The following NKAIN3 variants were observed in gnomAD, a reference collection of about 807,000 sequenced individuals.
NKAIN3 encodes the protein sodium/potassium transporting ATPase interacting 3.
Under a neutral mutation model 30.2 loss-of-function variants are expected in NKAIN3, and 25 were observed. That is an observed-to-expected ratio of 0.83 (90% CI 0.60 to 1.16). NKAIN3 has a LOEUF of 1.16. Ranked by LOEUF, NKAIN3 falls within the 50% of genes most tolerant of loss-of-function variation. The pLI is 0.00. For synonymous variants in NKAIN3, 91 were observed against 89.6 expected (o/e 1.02, Z -0.09); for missense variants, 225 against 254.1 (o/e 0.89, Z 0.78).
At chr8:62,551,346 GT>G (rs1809203019) in intron 1 of NKAIN3, among the ~76,000 whole-genome samples, 1 of 152,018 alleles carries the variant, frequency 6.6e-6, no homozygotes, top group South Asian at 2.1e-4. Context: ...TTTTTGTTTT[GT>G]TTTTGGTCTT....
intron 1 of NKAIN3, among the ~76,000 whole-genome samples, chr8:62,376,352 T>C (rs531450991): frequency 2.0e-4 from 31 of 152,366 alleles, no homozygotes; most frequent in African/African-American, 7.2e-4. Flanking sequence ...CTTGCCTTAA[T>C]CTTGAATTTA....
At chr8:62,426,376 C>T (rs1377913583) in intron 1 of NKAIN3, among the ~76,000 whole-genome samples, 1 of 151,952 alleles carries the variant, frequency 6.6e-6, no homozygotes, top group African/African-American at 2.4e-5. Flanking sequence ...AAGCTAGTTA[C>T]TTCAGAATAT....
At chr8:62,989,388 A>T (rs1170575083), downstream of NKAIN3, among the ~76,000 whole-genome samples, 1 of 152,236 alleles carries the variant, frequency 6.6e-6, no homozygotes, top group Non-Finnish European at 1.5e-5. Context: ...GGGAGACATC[A>T]TAATCATGGC....
chr8:62,608,854 A>G (rs1388575409), intron 3 of NKAIN3, among the ~76,000 whole-genome samples: 1 of 152,114 alleles, frequency 6.6e-6, no homozygotes, highest in South Asian at 2.1e-4. Flanking sequence ...ATAAATTAAG[A>G]TACACTTTCA....
chr8:62,567,708 G>T (rs894119458), intron 1 of NKAIN3, among the ~76,000 whole-genome samples: 115 of 151,956 alleles, frequency 7.6e-4, no homozygotes, highest in African/African-American at 2.5e-3. Flanking sequence ...AGCTGGAAAA[G>T]TTAAAAAAAA....
chr8:62,677,014 G>A (rs1018592215), intron 3 of NKAIN3, among the ~76,000 whole-genome samples: 2 of 151,976 alleles, frequency 1.3e-5, no homozygotes, highest in Admixed American at 6.6e-5. Context: ...CCACTGCACC[G>A]GCCCAATATA....
chr8:62,333,640 G>A (rs1815430207), intron 1 of NKAIN3, among the ~76,000 whole-genome samples: 1 of 151,964 alleles, frequency 6.6e-6, no homozygotes, highest in African/African-American at 2.4e-5. Flanking sequence ...ATATATGAAC[G>A]TATAGTAAAC....
At chr8:62,330,300 A>T (rs1815295931) in intron 1 of NKAIN3, among the ~76,000 whole-genome samples, 1 of 151,936 alleles carries the variant, frequency 6.6e-6, no homozygotes, top group African/African-American at 2.4e-5. Flanking sequence ...GCCACTGAAG[A>T]TTTTTAAGCA....
At chr8:62,395,976 A>C (rs1381259451) in intron 1 of NKAIN3, among the ~76,000 whole-genome samples, 2 of 152,230 alleles carry the variant, frequency 1.3e-5, no homozygotes, top group Non-Finnish European at 2.9e-5. Flanking sequence ...TTAAGTCTCC[A>C]GATTTATTAC....
At chr8:62,666,862 T>C (rs1197321100) in intron 3 of NKAIN3, among the ~76,000 whole-genome samples, 2 of 152,148 alleles carry the variant, frequency 1.3e-5, no homozygotes, top group Non-Finnish European at 2.9e-5. Context: ...AGTGAGGTGC[T>C]AGATTTGATT....
At chr8:62,288,389 C>T (rs1813452027) in intron 1 of NKAIN3, among the ~76,000 whole-genome samples, 1 of 152,148 alleles carries the variant, frequency 6.6e-6, no homozygotes, top group East Asian at 1.9e-4. Flanking sequence ...TATCCCTCCT[C>T]CCTCCACCTA....
intron 6 of NKAIN3, among the ~76,000 whole-genome samples, chr8:62,957,593 A>G (rs889855102): frequency 3.9e-5 from 6 of 152,208 alleles, no homozygotes; most frequent in Admixed American, 2.6e-4. Flanking sequence ...CATTAAATGC[A>G]TGTTATGAAA....
intron 1 of NKAIN3, among the ~76,000 whole-genome samples, chr8:62,307,503 A>C (rs1457817823): frequency 6.7e-6 from 1 of 150,278 alleles, no homozygotes; most frequent in African/African-American, 2.5e-5. Flanking sequence ...AGTACTAGGA[A>C]AACAAAAACC....
chr8:62,291,390 C>T (rs2129587137), intron 1 of NKAIN3, among the ~76,000 whole-genome samples: 1 of 152,212 alleles, frequency 6.6e-6, no homozygotes, highest in Non-Finnish European at 1.5e-5. Context: ...TATAAATTTC[C>T]CTCTATAGAC....
At chr8:62,921,693 A>C (rs1171944345) in intron 5 of NKAIN3, among the ~76,000 whole-genome samples, 2 of 152,112 alleles carry the variant, frequency 1.3e-5, no homozygotes, top group African/African-American at 2.4e-5. Flanking sequence ...TCCATTTTTC[A>C]TTGCTTTTAA....
chr8:62,900,731 T>A (rs773001825), intron 4 of NKAIN3, among the ~76,000 whole-genome samples: 3 of 152,168 alleles, frequency 2.0e-5, no homozygotes, highest in Non-Finnish European at 4.4e-5. Flanking sequence ...TATGATTATA[T>A]CTATTTGACA....
chr8:62,579,046 T>C (rs1355625394), intron 1 of NKAIN3, among the ~76,000 whole-genome samples: 1 of 152,012 alleles, frequency 6.6e-6, no homozygotes, highest in African/African-American at 2.4e-5. Flanking sequence ...AATAGTGGAA[T>C]TGGAATGTTC....
intron 3 of NKAIN3, among the ~76,000 whole-genome samples, chr8:62,632,126 A>G (rs916146213): frequency 6.6e-6 from 1 of 152,144 alleles, no homozygotes; most frequent in Admixed American, 6.5e-5. Context: ...CTCAGTGGCT[A>G]TCTCCATTTC....
At chr8:62,988,736 C>T (rs1015413628), downstream of NKAIN3, among the ~76,000 whole-genome samples, 1 of 152,256 alleles carries the variant, frequency 6.6e-6, no homozygotes. Context: ...CTGACATGCC[C>T]TGGAGACATC....
Sources: gnomAD v4.1 joint callset for allele counts (sites outside exome capture counted in the v4.1 genomes callset) on GRCh38, gnomAD v4.1.1 for gene constraint, MANE v1.5 for transcripts, NCBI Gene and HGNC (gene_info 2026-07-23, HGNC 2026-07-21) for gene names.